Variants in DFFB observed in about 807,000 individuals in gnomAD.
DFFB encodes DNA fragmentation factor subunit beta, also known as DNA fragmentation factor 40 kDa subunit.
DFFB carries 29 observed loss-of-function variants against 32.7 expected under a neutral mutation model. That is an observed-to-expected ratio of 0.89 (90% confidence interval 0.66 to 1.21). The LOEUF (loss-of-function observed/expected upper bound fraction) is 1.21. Among genes scored for constraint, DFFB ranks in the 50% most tolerant of loss-of-function variants. DFFB has a pLI of 0.00. For missense variants in DFFB, 398 were observed against 440.6 expected, an observed-to-expected ratio of 0.90 and a Z score of 0.87; for synonymous variants, 170 against 177.1, an observed-to-expected ratio of 0.96 and a Z score of 0.32.
At chr1:3,872,639 T>TCCCTGCCGCGGCCCTGG in intron 6 of DFFB, 67 bp downstream of exon 6, 2 of 1,398,688 alleles carry the variant, frequency 1.4e-6, no homozygotes, top group Non-Finnish European at 1.0e-6. Context: ...CGTGGCCCTG[T>TCCCTGCCGCGGCCCTGG]CCCTGCCATG....
chr1:3,876,922 T>C (rs1031729731), intron 6 of DFFB, among the ~76,000 whole-genome samples: 1 of 152,136 alleles, frequency 6.6e-6, no homozygotes, highest in Non-Finnish European at 1.5e-5. Context: ...CAGGGGCCCC[T>C]GGGCGGAAGG....
At chr1:3,878,697 C>T (rs1024611591) in intron 6 of DFFB, among the ~76,000 whole-genome samples, 23 of 152,286 alleles carry the variant, frequency 1.5e-4, no homozygotes, top group East Asian at 3.9e-4. Flanking sequence ...TCCCCTCTCC[C>T]GGGCCGGCCT....
chr1:3,879,286 G>A (rs181897311), intron 6 of DFFB, among the ~76,000 whole-genome samples: 26 of 152,256 alleles, frequency 1.7e-4, no homozygotes, highest in Admixed American at 5.2e-4. Context: ...GCGGTTTTCC[G>A]GGAGCGCCTG....
chr1:3,878,963 C>T (rs538014626), intron 6 of DFFB, among the ~76,000 whole-genome samples: 8 of 152,184 alleles, frequency 5.3e-5, no homozygotes, highest in Non-Finnish European at 1.0e-4. Context: ...GTCCGTTCAA[C>T]TTCCACTCTT....
intron 3 of DFFB, chr1:3,866,209 C>T: frequency 1.4e-6 from 1 of 691,836 alleles, no homozygotes; most frequent in Non-Finnish European, 2.6e-6. Context: ...GGCCAGAGTC[C>T]AGGGCAGCCC....
At chr1:3,860,388 G>A in intron 2 of DFFB, 1 of 411,426 alleles carries the variant, frequency 2.4e-6, no homozygotes, top group Non-Finnish European at 5.0e-6. Flanking sequence ...TACCACGTCT[G>A]GCTAATTGTT....
intron 6 of DFFB, among the ~76,000 whole-genome samples, chr1:3,874,111 A>G (rs144308111): frequency 0.012 from 1,695 of 147,080 alleles, 64 homozygotes; most frequent in African/African-American, 0.042. Flanking sequence ...CCACGCTGTC[A>G]TCTGCAGAGC....
intron 6 of DFFB, among the ~76,000 whole-genome samples, chr1:3,874,321 A>G (rs967805571): frequency 2.0e-5 from 2 of 102,530 alleles, no homozygotes; most frequent in Non-Finnish European, 2.0e-5. Flanking sequence ...TTTAACATGC[A>G]CATACGTGGT....
At position 3,860,041 on chromosome 1, in the gene DFFB, G is replaced by A. The variant is rs564903872; in HGVS notation, c.241+1197G>A. On this transcript the variant is annotated intron_variant, in intron 2 of 6. Coordinates refer to ENST00000378209, the MANE Select transcript of DFFB (RefSeq NM_004402.4). Reference sequence around the variant, plus strand: ...TCTGGCGCTTTATCCTCCTCTCTTCGCTGAGACCGCTAGTCCTCCTCCTTG... The same window carrying A: ...TCTGGCGCTTTATCCTCCTCTCTTCACTGAGACCGCTAGTCCTCCTCCTTG... 2.0e-4 allele frequency among the ~76,000 whole-genome samples: 30 copies of A among 151,246 alleles called. 2 individuals are homozygous for A. In the South Asian group the frequency reaches 5.2e-3, roughly 26 times the overall value.
intron 6 of DFFB, among the ~76,000 whole-genome samples, chr1:3,883,294 C>T (rs1285373965): frequency 6.6e-6 from 1 of 152,204 alleles, no homozygotes; most frequent in African/African-American, 2.4e-5. Context: ...CGTGAGCCGC[C>T]GTGCCCGGCC....
chr1:3,880,410 G>C (rs2124768823), intron 6 of DFFB, among the ~76,000 whole-genome samples: 1 of 152,328 alleles, frequency 6.6e-6, no homozygotes, highest in Middle Eastern at 3.4e-3. Context: ...ACGGCTCACT[G>C]GGGGATCTGC....
At chr1:3,867,044 T>C (rs1275490822) in intron 3 of DFFB, among the ~76,000 whole-genome samples, 5 of 152,126 alleles carry the variant, frequency 3.3e-5, no homozygotes, top group African/African-American at 9.7e-5. Flanking sequence ...TACAGGTGCC[T>C]GCCACCACGC....
intron 5 of DFFB, among the ~76,000 whole-genome samples, chr1:3,870,033 G>C (rs376626141): frequency 6.6e-6 from 1 of 152,250 alleles, no homozygotes; most frequent in Non-Finnish European, 1.5e-5. Context: ...AGTGCTGGGC[G>C]GTGTCTTAGT....
At position 3,883,842 on chromosome 1, in the gene DFFB, C is replaced by T; in HGVS notation, c.*101C>T. 1 of 863,686 alleles carries T rather than the reference C, an allele frequency of 1.2e-6. No homozygotes were observed. The highest frequency in any genetic ancestry group is 1.8e-6 in the Non-Finnish European group (1 of 547,434). 53.5% of individuals were successfully genotyped at this position (863,686 alleles called of 1,614,324 possible). Reference sequence around the variant, plus strand: ...TTTGTTTTTCGTTTTTTTGGTCACTCCAGTAGCTCCTGGAAAAAACCTTAA... The same window carrying T: ...TTTGTTTTTCGTTTTTTTGGTCACTTCAGTAGCTCCTGGAAAAAACCTTAA... On this transcript the variant is annotated 3_prime_UTR_variant, in exon 7 of 7. Coordinates refer to ENST00000378209, the MANE Select transcript of DFFB (RefSeq NM_004402.4).
chr1:3,873,654 T>C (rs1489265861), intron 6 of DFFB, among the ~76,000 whole-genome samples: 1 of 152,084 alleles, frequency 6.6e-6, no homozygotes, highest in Non-Finnish European at 1.5e-5. Context: ...TAATTTTGTA[T>C]TTTTAGTAGA....
intron 2 of DFFB, chr1:3,860,323 T>C: frequency 3.3e-6 from 1 of 301,506 alleles, no homozygotes; most frequent in Non-Finnish European, 7.4e-6. Flanking sequence ...ACCTCCGTGT[T>C]TCAAGTGATC....
chr1:3,867,072 A>G (rs917209971), intron 3 of DFFB, among the ~76,000 whole-genome samples: 3 of 151,778 alleles, frequency 2.0e-5, no homozygotes, highest in Non-Finnish European at 4.4e-5. Flanking sequence ...ATTTTTTTGT[A>G]TTTTCAGTAG....
intron 5 of DFFB, among the ~76,000 whole-genome samples, chr1:3,871,656 G>A (rs1312153368): frequency 6.6e-6 from 1 of 152,200 alleles, no homozygotes; most frequent in East Asian, 1.9e-4. Flanking sequence ...CACGGGGTGC[G>A]TCTCTCAGTA....
Position 3,865,877 on chromosome 1 carries a change from G to A in DFFB, c.307G>A (p.Ala103Thr), listed in dbSNP as rs754617230. The change falls in exon 3 of 7, where the codon GCC (alanine) becomes ACC (threonine). Residue 103 changes from alanine (A) to threonine (T), a missense_variant. By Grantham distance (58) the Ala-to-Thr change is moderately conservative (BLOSUM62 0). Transcript: ENST00000378209. This position sits in a 1 kb window ranked among gnomAD's most constrained non-coding sequence, Gnocchi z 4.7. ...GCCACAGGTGGGGCTCATCCAGGCCGCCCAGCAGCTGCTGTGTGATGAGCA... is the reference window on the plus strand; with the variant it reads ...GCCACAGGTGGGGCTCATCCAGGCCACCCAGCAGCTGCTGTGTGATGAGCA... ...HEPQVGLIQA[A>T]QQLLCDEQAP... 3.8e-5 allele frequency: 61 copies of A among 1,614,046 alleles called. No individual in the cohort carries two copies. The Admixed American group carries it at 7.0e-4, about 19-fold the overall frequency.
Sources: gnomAD v4.1 joint callset for allele counts (sites outside exome capture counted in the v4.1 genomes callset) on GRCh38, gnomAD v4.1.1 for gene constraint, Gnocchi (gnomAD v3.1) non-coding constraint, MANE v1.5 for transcripts, NCBI Gene and HGNC (gene_info 2026-07-23, HGNC 2026-07-21) for gene names.